The following GC variants were observed in gnomAD, a reference collection of about 807,000 sequenced individuals.
GC encodes vitamin D-binding protein.
In GC, 43 loss-of-function variants were observed where a neutral mutation model predicts 56.7. The ratio of observed to expected loss-of-function variants is 0.76; its 90% CI spans 0.59 to 0.98. GC has a LOEUF of 0.98. Ranked by LOEUF, GC falls within the 50% of genes least tolerant of loss-of-function variation. The pLI is 0.00. For synonymous variants in GC, 216 were observed against 202.7 expected, an observed-to-expected ratio of 1.07 and a Z score of -0.56; for missense variants, 529 against 545.9, an observed-to-expected ratio of 0.97 and a Z score of 0.31.
chr4:71,788,581 C>T (rs1560712230), upstream of GC, among the ~76,000 whole-genome samples: 1 of 114,824 alleles, frequency 8.7e-6, no homozygotes, highest in Non-Finnish European at 1.8e-5. Context: ...TGAAGAGAAA[C>T]AGATATTTAA....
intron 8 of GC, 40 bp from the exon 9 acceptor site, chr4:71,755,147 C>CGTATTTAT (rs1741724545): frequency 6.0e-6 from 2 of 334,404 alleles, no homozygotes; most frequent in African/African-American, 8.2e-5. Flanking sequence ...TTATATATTT[C>CGTATTTAT]CTATTTATTT....
chr4:71,791,043 C>T (rs1322521044), intron 1 of GC, among the ~76,000 whole-genome samples: 2 of 152,002 alleles, frequency 1.3e-5, no homozygotes, highest in Non-Finnish European at 2.9e-5. Flanking sequence ...TGAAAAAATG[C>T]TCACCATCAC....
intron 1 of GC, among the ~76,000 whole-genome samples, chr4:71,794,356 G>T (rs1163765712): frequency 2.6e-5 from 4 of 152,118 alleles, no homozygotes; most frequent in Admixed American, 6.6e-5. Context: ...TCTATTCAGA[G>T]ATTCAAATTC....
At chr4:71,779,640 C>A (rs1276545532) in intron 1 of GC, among the ~76,000 whole-genome samples, 1 of 151,802 alleles carries the variant, frequency 6.6e-6, no homozygotes, top group African/African-American at 2.4e-5. Context: ...TCATCAATTC[C>A]TTTTAGAGGT....
intron 1 of GC, among the ~76,000 whole-genome samples, chr4:71,781,143 C>A (rs1028080236): frequency 1.3e-5 from 2 of 151,914 alleles, no homozygotes; most frequent in South Asian, 4.1e-4. Context: ...GGACAGAAAA[C>A]CACACACCAC....
chr4:71,756,782 C>T lies in GC; in HGVS notation c.964G>A (p.Glu322Lys), dbSNP rs375201505. 4.0e-5 allele frequency: 64 copies of T among 1,613,624 alleles called. No individual in the cohort carries two copies. The highest frequency in any genetic ancestry group is 4.6e-5 in the Non-Finnish European group (54 of 1,179,800). Reference protein sequence around the residue: ...TYFMPAAQLPELPDVELPTNK... With the variant: ...TYFMPAAQLPKLPDVELPTNK... ...GTGGGCAACTCTACATCTGGAAGCT[C>T]GGGGAGTTGGGCAGCTGGCATGAAG... Residue 322 changes from glutamate (E) to lysine (K), a missense_variant, in exon 8 of 13, where the codon GAG becomes AAG. Transcript: ENST00000273951.
At chr4:71,752,685 T>C (rs201870624) in intron 10 of GC, 35 bp from the exon 11 acceptor site, 23 of 1,568,870 alleles carry the variant, frequency 1.5e-5, no homozygotes, top group Admixed American at 1.8e-5. Context: ...TCTTACTACA[T>C]GTATTTATTT....
At chr4:71,742,799 C>A (rs1202790294) in intron 12 of GC, among the ~76,000 whole-genome samples, 3 of 152,106 alleles carry the variant, frequency 2.0e-5, no homozygotes. Flanking sequence ...ATGGTGAAAC[C>A]CCGTCTCTAC....
chr4:71,777,704 C>T (rs769379974), intron 1 of GC, among the ~76,000 whole-genome samples: 53 of 150,890 alleles, frequency 3.5e-4, no homozygotes, highest in Non-Finnish European at 6.6e-4. Context: ...AATTTACTTT[C>T]GTGTAGTAAA....
intron 1 of GC, among the ~76,000 whole-genome samples, chr4:71,802,973 T>C (rs1453800756): frequency 8.9e-6 from 1 of 112,792 alleles, no homozygotes; most frequent in Non-Finnish European, 2.0e-5. Flanking sequence ...GTCAAAAAAT[T>C]GTAAGTCAAA....
chr4:71,790,621 T>C (rs1045532164), intron 1 of GC, among the ~76,000 whole-genome samples: 1 of 152,008 alleles, frequency 6.6e-6, no homozygotes, highest in Admixed American at 6.6e-5. Context: ...TTTTATTGTT[T>C]TATTTTAATA....
Position 71,756,849 on chromosome 4 carries a change from A to G in GC, c.897T>C (p.Cys299=), listed in dbSNP as rs4752. Reference sequence around the variant, plus strand: ...CGTCCATGGCTGTTTTTTCTTGACAACAGTCTTCAAACTTAGAATTCTTTG... The same window carrying G: ...CGTCCATGGCTGTTTTTTCTTGACAGCAGTCTTCAAACTTAGAATTCTTTG... ...LSTKNSKFED[C]CQEKTAMDVF... The change falls in exon 8 of 13, where the codon TGT becomes TGC. Residue 299 remains cysteine (C), a synonymous_variant. Transcript: ENST00000273951. 0.023 allele frequency: 36,574 copies of G among 1,613,362 alleles called. 2,966 individuals carry two copies. In the African/African-American group the frequency reaches 0.25, roughly 11 times the overall value.
intron 1 of GC, among the ~76,000 whole-genome samples, chr4:71,795,865 C>G (rs1472069007): frequency 6.6e-6 from 1 of 152,176 alleles, no homozygotes; most frequent in East Asian, 1.9e-4. Context: ...GTAACAAAAT[C>G]TGTCAGCATT....
chr4:71,770,605 C>T (rs1351324091), intron 1 of GC, among the ~76,000 whole-genome samples: 1 of 152,136 alleles, frequency 6.6e-6, no homozygotes, highest in Non-Finnish European at 1.5e-5. Flanking sequence ...TGCTATCTCT[C>T]TTACTAGCTT....
chr4:71,786,452 T>C (rs1477729615), upstream of GC, among the ~76,000 whole-genome samples: 1 of 151,820 alleles, frequency 6.6e-6, no homozygotes, highest in Non-Finnish European at 1.5e-5. Context: ...GCAGCAGTTA[T>C]AGCAACTAGA....
In GC at chr4:71,749,066, G is replaced by A. The variant is rs533901282; in HGVS notation, c.1396-2861C>T. Among the ~76,000 whole-genome samples the A allele has an allele frequency of 3.3e-5, 5 of 152,218 alleles. No individual in the cohort carries two copies. The South Asian group carries it at 1.0e-3, about 32-fold the overall frequency. On this transcript the variant is annotated intron_variant, in intron 11 of 12. Transcript: ENST00000273951. ...GCACTAAAGTAAAGTCAGAAAGGAG[G>A]GGTGAGCTTGCCTACCTAGCTATGA...
rs1379052959 is a variant in GC, at chr4:71,765,451, G to T, written c.454C>A (p.Pro152Thr). 1.2e-6 allele frequency: 2 copies of T among 1,613,190 alleles called. No individual in the cohort carries two copies. The highest frequency in any genetic ancestry group is 2.7e-5 in the African/African-American group (2 of 74,864). ...DEICEAFRKD[P>T]KEYANQFMWE... is the part of the protein sequence containing the mutation. ...ACTCACTGATTAGCATATTCCTTTG[G>T]ATCTTTCCTGAACGCCTCACAGATT... The change falls in exon 4 of 13, where the codon CCA becomes ACA. Residue 152 changes from proline to threonine, a missense_variant. Pro to Thr is a conservative substitution (Grantham distance 38). Transcript: ENST00000273951.
intron 12 of GC, among the ~76,000 whole-genome samples, chr4:71,742,419 T>A (rs997371255): frequency 1.3e-5 from 2 of 152,228 alleles, no homozygotes; most frequent in African/African-American, 4.8e-5. Context: ...ATTCCATGTT[T>A]CATTGTCTTC....
chr4:71,778,341 T>A (rs1742573412), intron 1 of GC, among the ~76,000 whole-genome samples: 1 of 151,988 alleles, frequency 6.6e-6, no homozygotes, highest in Non-Finnish European at 1.5e-5. Context: ...TTATTTTCTT[T>A]AGGTAGTGTT....
Sources: gnomAD v4.1 joint callset for allele counts (sites outside exome capture counted in the v4.1 genomes callset) on GRCh38, gnomAD v4.1.1 for gene constraint, MANE v1.5 for transcripts, NCBI Gene and HGNC (gene_info 2026-07-23, HGNC 2026-07-21) for gene names.